The following CCDC170 variants were observed in gnomAD, a reference collection of about 807,000 sequenced individuals.
CCDC170 encodes the protein coiled-coil domain containing 170, also known as coiled-coil domain-containing protein 170.
Under a neutral mutation model 72.6 loss-of-function variants are expected in CCDC170, and 69 were observed. The ratio of observed to expected loss-of-function variants is 0.95; its 90% CI spans 0.78 to 1.16. CCDC170 has a LOEUF of 1.16. Ranked by LOEUF, CCDC170 falls within the 50% of genes most tolerant of loss-of-function variation. CCDC170 has a pLI of 0.00. For synonymous variants in CCDC170, 300 were observed against 303.9 expected (o/e 0.99, Z 0.13); for missense variants, 852 against 832.5 (o/e 1.02, Z -0.29).
chr6:151,509,230 C>G (rs567048227), intron 1 of CCDC170, among the ~76,000 whole-genome samples: 156 of 150,970 alleles, frequency 1.0e-3, no homozygotes, highest in Admixed American at 2.0e-3. Context: ...ATGTATCTAT[C>G]TATCTATCTA....
intron 5 of CCDC170, among the ~76,000 whole-genome samples, chr6:151,568,248 T>G (rs1426810501): frequency 6.6e-6 from 1 of 150,558 alleles, no homozygotes; most frequent in Non-Finnish European, 1.5e-5. Flanking sequence ...GGTGCAGGAG[T>G]GGTACCAGAA....
chr6:151,575,910 C>G (rs1776295563), intron 6 of CCDC170, among the ~76,000 whole-genome samples: 1 of 151,950 alleles, frequency 6.6e-6, no homozygotes, highest in African/African-American at 2.4e-5. Context: ...GTAGAGGTCT[C>G]TGCGAGTAAC....
intron 5 of CCDC170, among the ~76,000 whole-genome samples, chr6:151,562,276 T>C (rs996128495): frequency 6.6e-6 from 1 of 152,182 alleles, no homozygotes; most frequent in African/African-American, 2.4e-5. Flanking sequence ...GCTTTGGAGG[T>C]GTCAAAACAC....
At chr6:151,601,066 C>A (rs1776701760) in intron 9 of CCDC170, among the ~76,000 whole-genome samples, 1 of 152,104 alleles carries the variant, frequency 6.6e-6, no homozygotes, top group Non-Finnish European at 1.5e-5. Context: ...CGAGACTGGG[C>A]AATTTCCAAA....
At chr6:151,500,044 A>G (rs1040573487) in intron 1 of CCDC170, among the ~76,000 whole-genome samples, 10 of 152,112 alleles carry the variant, frequency 6.6e-5, no homozygotes, top group Non-Finnish European at 1.2e-4. Context: ...GGCTGCACAC[A>G]TTTTACATTC....
intron 5 of CCDC170, among the ~76,000 whole-genome samples, chr6:151,563,298 A>G (rs1265631412): frequency 1.3e-5 from 2 of 152,208 alleles, no homozygotes; most frequent in African/African-American, 2.4e-5. Context: ...CCATAACTGC[A>G]TAAGTGGGGT....
intron 1 of CCDC170, among the ~76,000 whole-genome samples, chr6:151,522,173 T>A (rs1047152408): frequency 5.9e-5 from 9 of 151,334 alleles, no homozygotes; most frequent in African/African-American, 1.5e-4. Context: ...AAAAAAAAAA[T>A]TTCACTTTAA....
chr6:151,534,475 A>G (rs983016075), intron 1 of CCDC170, among the ~76,000 whole-genome samples: 2 of 152,192 alleles, frequency 1.3e-5, no homozygotes, highest in African/African-American at 2.4e-5. Context: ...CATACATACT[A>G]TAGGTGAAAT....
At chr6:151,530,472 C>T (rs6905252) in intron 1 of CCDC170, among the ~76,000 whole-genome samples, 10,321 of 150,666 alleles carry the variant, frequency 0.069, 1,099 homozygotes, top group African/African-American at 0.23. Context: ...GACAGAGTCT[C>T]GCTCTGTCAG....
intron 1 of CCDC170, among the ~76,000 whole-genome samples, chr6:151,532,285 A>T (rs1782501082): frequency 6.6e-6 from 1 of 152,216 alleles, no homozygotes; most frequent in Admixed American, 6.5e-5. Context: ...AAACTACAAA[A>T]TATAGTAAAT....
In CCDC170 at chr6:151,494,156, GCGCTGGGTGCCGCTTCGCCAGCGCC is replaced by G. The variant is rs771453580; in HGVS notation, c.31_55del (p.Leu11ArgfsTer17). ...GAGCCTGGACTGCACCAGCCATATC[GCGCTGGGTGCCGCTTCGCCAGCGCC>G]CGAGGTACGGTCCCAGCCGCCGGCC... On this transcript the variant is annotated frameshift_variant, in exon 1 of 11. Coordinates refer to ENST00000239374, the MANE Select transcript of CCDC170 (RefSeq NM_025059.4). LOFTEE classifies it high-confidence loss of function. 10 of 1,525,808 alleles carry G rather than the reference GCGCTGGGTGCCGCTTCGCCAGCGCC, an allele frequency of 6.6e-6. No homozygotes were observed. In the East Asian group the frequency reaches 2.1e-4, roughly 33 times the overall value. 94.5% of individuals were successfully genotyped at this position (1,525,808 alleles called of 1,614,324 possible). A position where few individuals can be genotyped will look rare whatever the true frequency, so the allele number is the denominator to read the frequency against.
At chr6:151,610,002 A>G (rs892538529) in intron 9 of CCDC170, among the ~76,000 whole-genome samples, 9 of 152,226 alleles carry the variant, frequency 5.9e-5, no homozygotes, top group African/African-American at 2.2e-4. Context: ...CCCAATCTGA[A>G]CAGACAGGCT....
intron 1 of CCDC170, among the ~76,000 whole-genome samples, chr6:151,529,535 T>C (rs1191728318): frequency 6.6e-6 from 1 of 152,120 alleles, no homozygotes; most frequent in African/African-American, 2.4e-5. Context: ...TGCATGCCTG[T>C]AGTCTCAGCT....
intron 9 of CCDC170, among the ~76,000 whole-genome samples, chr6:151,610,617 TA>T (rs1305915180): frequency 6.6e-6 from 1 of 152,220 alleles, no homozygotes; most frequent in Non-Finnish European, 1.5e-5. Flanking sequence ...CACAGATAGA[TA>T]TTAACATTGA....
intron 5 of CCDC170, among the ~76,000 whole-genome samples, chr6:151,561,066 T>C (rs1314201602): frequency 6.6e-6 from 1 of 151,164 alleles, no homozygotes; most frequent in Non-Finnish European, 1.5e-5. Flanking sequence ...ATCTAGTAAA[T>C]TTTTTTTTAA....
intron 1 of CCDC170, among the ~76,000 whole-genome samples, chr6:151,505,440 T>C (rs1562265183): frequency 6.6e-6 from 1 of 151,782 alleles, no homozygotes; most frequent in South Asian, 2.1e-4. Context: ...TCCCAGCACT[T>C]TGGGAGGCCG....
chr6:151,516,614 G>T (rs1782239881), intron 1 of CCDC170, among the ~76,000 whole-genome samples: 1 of 152,068 alleles, frequency 6.6e-6, no homozygotes, highest in African/African-American at 2.4e-5. Flanking sequence ...AGGAGCAGAG[G>T]TTTGATAGGC....
Position 151,618,427 on chromosome 6 carries a change from T to C in CCDC170, c.*280T>C. On this transcript the variant is annotated 3_prime_UTR_variant, in exon 11 of 11. Transcript: ENST00000239374. ...TGGGAAATGGGAGTGGGAGATAATA[T>C]TGGGAGGTATCTATTTTAAGTCAGG... 2.5e-6 allele frequency: 1 copy of C among 398,298 alleles called. No homozygotes were observed. The highest frequency in any genetic ancestry group is 2.0e-5 in the African/African-American group (1 of 49,610). The allele number at this position is 398,298 out of a possible 1,614,324, so 24.7% of individuals were successfully genotyped here.
At chr6:151,542,596 T>C (rs1466094431) in intron 3 of CCDC170, among the ~76,000 whole-genome samples, 1 of 152,248 alleles carries the variant, frequency 6.6e-6, no homozygotes, top group Non-Finnish European at 1.5e-5. Context: ...CTTTGGCTAT[T>C]TCTACAGGCT....
Sources: allele counts gnomAD v4.1 joint callset (sites outside exome capture counted in the v4.1 genomes callset), GRCh38; gene constraint gnomAD v4.1.1; transcripts MANE v1.5; gene names NCBI Gene and HGNC (gene_info 2026-07-23, HGNC 2026-07-21).